TG: variants seen among roughly 807,000 people sequenced by gnomAD.
The protein encoded by TG is thyroglobulin.
In TG, 270 loss-of-function variants were observed where a neutral mutation model predicts 324.7. The ratio of observed to expected loss-of-function variants is 0.83; its 90% CI spans 0.75 to 0.92. The LOEUF (loss-of-function observed/expected upper bound fraction) is 0.92, where lower values mean the gene tolerates loss of function less well. Ranked by LOEUF, TG falls within the 40% of genes least tolerant of loss-of-function variation. The probability of loss-of-function intolerance (pLI) is 0.00; values close to 1 mark genes in which losing one functional copy is unlikely to be tolerated. For missense variants in TG, 3,591 were observed against 3,456.4 expected, an observed-to-expected ratio of 1.04 and a Z score of -0.98; for synonymous variants, 1,401 against 1,327.0, an observed-to-expected ratio of 1.06 and a Z score of -1.21.
chr8:133,032,255 A>G (rs893827920), intron 41 of TG, among the ~76,000 whole-genome samples: 2 of 152,138 alleles, frequency 1.3e-5, no homozygotes, highest in Non-Finnish European at 2.9e-5. Context: ...GTTTTCTGCA[A>G]TCTGTCCCTC....
chr8:133,133,972 G>A (rs73708885), intron 47 of TG, among the ~76,000 whole-genome samples: 1 of 152,348 alleles, frequency 6.6e-6, no homozygotes, highest in African/African-American at 2.4e-5. Flanking sequence ...ACGTTGGTAT[G>A]GGAAGAGAAG....
intron 31 of TG, 52 bp from the exon 32 acceptor site, chr8:132,969,406 C>G: frequency 7.7e-7 from 1 of 1,291,734 alleles, no homozygotes; most frequent in South Asian, 1.2e-5. Flanking sequence ...CTCATATTTT[C>G]ATGACTACAG....
chr8:133,014,828 C>G (rs143511505), intron 37 of TG, among the ~76,000 whole-genome samples: 4 of 152,278 alleles, frequency 2.6e-5, no homozygotes, highest in African/African-American at 9.6e-5. Flanking sequence ...AGCTGTTAGG[C>G]CCTCAATCGT....
At chr8:132,896,097 C>T (rs901014799) in intron 11 of TG, among the ~76,000 whole-genome samples, 1 of 152,256 alleles carries the variant, frequency 6.6e-6, no homozygotes, top group Non-Finnish European at 1.5e-5. Flanking sequence ...AGGAAATGCA[C>T]ACCGCTGTGT....
chr8:133,128,902 C>G (rs145806953), intron 45 of TG, among the ~76,000 whole-genome samples: 1 of 152,224 alleles, frequency 6.6e-6, no homozygotes, highest in African/African-American at 2.4e-5. Flanking sequence ...CATGAGCACA[C>G]GTGAACTGCC....
At chr8:132,911,646 A>T in intron 19 of TG, 113 bp downstream of exon 19, 1 of 876,388 alleles carries the variant, frequency 1.1e-6, no homozygotes, top group Non-Finnish European at 1.9e-6. Context: ...TCTTGTGAAG[A>T]CTATGGGGAG....
chr8:133,081,574 C>A (rs1477094823), intron 41 of TG, among the ~76,000 whole-genome samples: 3 of 147,914 alleles, frequency 2.0e-5, no homozygotes, highest in African/African-American at 5.1e-5. Flanking sequence ...TAAAATTATT[C>A]TCAGGAAGAA....
chr8:133,081,588 G>GAA (rs35336483), intron 41 of TG, among the ~76,000 whole-genome samples: 4 of 151,246 alleles, frequency 2.6e-5, no homozygotes, highest in Admixed American at 6.6e-5. Context: ...GGAAGAAGAA[G>GAA]AAAAAAAAAG....
intron 25 of TG, among the ~76,000 whole-genome samples, chr8:132,940,032 T>G (rs773411252): frequency 7.9e-5 from 12 of 152,192 alleles, no homozygotes; most frequent in Non-Finnish European, 1.6e-4. Flanking sequence ...ATTATCATCC[T>G]CATTGTACAG....
intron 34 of TG, among the ~76,000 whole-genome samples, chr8:132,975,405 C>T (rs1022582311): frequency 1.3e-5 from 2 of 152,212 alleles, no homozygotes; most frequent in Admixed American, 1.3e-4. Flanking sequence ...AATCAAGGTA[C>T]TCATTGTCCC....
rs184818231 is a variant in TG at position 132,874,207 on chromosome 8, G to T, written c.638+986G>T. Among the ~76,000 whole-genome samples the T allele has an allele frequency of 4.1e-3, 628 of 152,018 alleles. 2 individuals are homozygous for T. Among genetic ancestry groups the T allele is most frequent in the Middle Eastern group, 0.01 (3 of 294 alleles). ...TAAAATAAAAAATAAATCAAGAGGA[G>T]GCAGAAAGGGGATCTGCAGGAGAGG... On this transcript the variant is annotated intron_variant, in intron 5 of 47. Transcript: ENST00000220616.
At position 132,923,328 on chromosome 8, in the gene TG, T is replaced by C. The variant is rs913158918; in HGVS notation, c.4529-10T>C. 2.5e-6 allele frequency: 4 copies of C among 1,614,014 alleles called. No homozygotes were observed. Among genetic ancestry groups the C allele is most frequent in the Non-Finnish European group, 3.4e-6 (4 of 1,179,976 alleles). ...CATTATTGACGGCTATGTCAATCTA[T>C]TGGTTCTAGGTGTCACTGACTGTCA... is the stretch of plus-strand genomic sequence containing the variant. On this transcript the variant is annotated splice_polypyrimidine_tract_variant and intron_variant, in intron 21 of 47. Transcript: ENST00000220616.
At chr8:132,917,790 G>A (rs1322464494) in intron 20 of TG, among the ~76,000 whole-genome samples, 1 of 152,046 alleles carries the variant, frequency 6.6e-6, no homozygotes, top group Non-Finnish European at 1.5e-5. Context: ...TTGGCAGGAG[G>A]GGTGGCCTGA....
chr8:133,012,277 T>A (rs374533223), intron 36 of TG, among the ~76,000 whole-genome samples: 1 of 151,992 alleles, frequency 6.6e-6, no homozygotes, highest in African/African-American at 2.4e-5. Flanking sequence ...CAGAGGAAGA[T>A]CAGAAGAATG....
intron 46 of TG, among the ~76,000 whole-genome samples, chr8:133,132,255 G>A (rs1258426684): frequency 6.6e-6 from 1 of 152,178 alleles, no homozygotes; most frequent in East Asian, 1.9e-4. Context: ...CCTGTGCATT[G>A]TAGGATGTTT....
At chr8:133,069,014 G>T (rs1843539301) in intron 41 of TG, among the ~76,000 whole-genome samples, 1 of 152,228 alleles carries the variant, frequency 6.6e-6, no homozygotes, top group Non-Finnish European at 1.5e-5. Context: ...GAGTGGTAAA[G>T]ACAATTATTT....
intron 12 of TG, 80 bp from the exon 13 acceptor site, chr8:132,898,089 G>T: frequency 7.3e-7 from 1 of 1,373,636 alleles, no homozygotes; most frequent in Non-Finnish European, 1.0e-6. Context: ...TATGAGTGAA[G>T]AAGGAAAGTT....
At chr8:133,032,928 C>A (rs1231925701) in intron 41 of TG, among the ~76,000 whole-genome samples, 2 of 152,148 alleles carry the variant, frequency 1.3e-5, no homozygotes, top group Admixed American at 6.5e-5. Context: ...AAATTTGAGG[C>A]TCAGAGAGAT....
chr8:133,102,450 A>C, intron 43 of TG: 1 of 1,017,578 alleles, frequency 9.8e-7, no homozygotes, highest in Non-Finnish European at 1.5e-6. Context: ...GAGGGTGGGT[A>C]CAGGATCCAT....
Sources: gnomAD v4.1 joint callset for allele counts (sites outside exome capture counted in the v4.1 genomes callset) on GRCh38, gnomAD v4.1.1 for gene constraint, MANE v1.5 for transcripts, NCBI Gene and HGNC (gene_info 2026-07-23, HGNC 2026-07-21) for gene names.